The following DSE variants were observed in gnomAD, a reference collection of about 807,000 sequenced individuals.
DSE encodes the protein dermatan-sulfate epimerase.
A neutral mutation model predicts 84.4 loss-of-function variants in DSE; 36 were observed. The ratio of observed to expected loss-of-function variants is 0.43; its 90% CI spans 0.33 to 0.56. The LOEUF (loss-of-function observed/expected upper bound fraction) is 0.56, where lower values mean the gene tolerates loss of function less well. DSE is among the 20% of genes least tolerant of loss of function. The pLI is 0.06. For synonymous variants in DSE, 410 were observed against 430.1 expected (o/e 0.95, Z 0.58); for missense variants, 862 against 1,169.6 (o/e 0.74, Z 3.84).
chr6:116,398,589 A>G (rs1179076239), intron 1 of DSE, among the ~76,000 whole-genome samples: 2 of 152,208 alleles, frequency 1.3e-5, no homozygotes, highest in Non-Finnish European at 2.9e-5. Flanking sequence ...CAGGAAATAC[A>G]CGGGCTTGGC....
At chr6:116,274,578 C>T (rs1773032236) in intron 2 of DSE, among the ~76,000 whole-genome samples, 1 of 145,240 alleles carries the variant, frequency 6.9e-6, no homozygotes, top group Non-Finnish European at 1.5e-5. Context: ...AAAACTCTGT[C>T]TCAAAAAAAA....
At chr6:116,268,522 A>C (rs902763643) in intron 2 of DSE, among the ~76,000 whole-genome samples, 2 of 152,248 alleles carry the variant, frequency 1.3e-5, no homozygotes, top group Non-Finnish European at 2.9e-5. Flanking sequence ...TTTTTCATCT[A>C]CATGAATGTT....
At chr6:116,302,097 C>T (rs1189474645) in intron 2 of DSE, among the ~76,000 whole-genome samples, 3 of 152,098 alleles carry the variant, frequency 2.0e-5, no homozygotes, top group African/African-American at 7.2e-5. Context: ...AATAAACATA[C>T]GAGTCCATGT....
intron 3 of DSE, among the ~76,000 whole-genome samples, chr6:116,427,038 T>G (rs530130470): frequency 6.6e-6 from 1 of 152,240 alleles, no homozygotes; most frequent in African/African-American, 2.4e-5. Flanking sequence ...CGGCATGTTA[T>G]CTAATTATGG....
rs761300229 is a variant in DSE, at chr6:116,258,736, C to T, written c.-285C>T. On this transcript the variant is annotated 5_prime_UTR_variant, in exon 2 of 4. Transcript: ENST00000430252. Reference sequence around the variant, plus strand: ...TCTCACAGTCCCGGCGCACCCAATGCGTGTGGAGTCCTCCCGGGGACCACT... The same window carrying T: ...TCTCACAGTCCCGGCGCACCCAATGTGTGTGGAGTCCTCCCGGGGACCACT... 5.0e-6 allele frequency: 8 copies of T among 1,608,436 alleles called. No homozygotes were observed. In the Admixed American group the frequency reaches 6.7e-5, roughly 13 times the overall value.
chr6:116,334,232 A>G (rs1777112253), intron 2 of DSE, among the ~76,000 whole-genome samples: 1 of 152,214 alleles, frequency 6.6e-6, no homozygotes, highest in Non-Finnish European at 1.5e-5. Context: ...GCTTTGACTC[A>G]GAGTAGGCAA....
intron 2 of DSE, among the ~76,000 whole-genome samples, chr6:116,335,288 A>G (rs1777173462): frequency 6.6e-6 from 1 of 152,196 alleles, no homozygotes; most frequent in Admixed American, 6.5e-5. Flanking sequence ...AAAGCTAAAT[A>G]CCACATGTTC....
intron 2 of DSE, chr6:116,288,500 A>G (rs1774074387): frequency 6.6e-6 from 1 of 152,102 alleles, no homozygotes; most frequent in Non-Finnish European, 1.5e-5. Flanking sequence ...ATGGGTGAGC[A>G]TTGAATAGCT....
intron 2 of DSE, among the ~76,000 whole-genome samples, chr6:116,307,266 T>C (rs1428897424): frequency 6.6e-6 from 1 of 152,166 alleles, no homozygotes; most frequent in Non-Finnish European, 1.5e-5. Flanking sequence ...TTAACCTTAC[T>C]GTTTGGGTGT....
chr6:116,338,219 C>CTTTTTTTTTTTTTTTT (rs893312210), intron 2 of DSE, among the ~76,000 whole-genome samples: 47 of 91,174 alleles, frequency 5.2e-4, no homozygotes, highest in East Asian at 6.3e-4. Context: ...TTTCTTCTTT[C>CTTTTTTTTTTTTTTTT]TTTTTTTTTT....
At chr6:116,366,093 TACA>T (rs1389219149), upstream of DSE, 7 of 152,238 alleles carry the variant, frequency 4.6e-5, no homozygotes, top group Non-Finnish European at 7.3e-5. Context: ...GTATTTTATA[TACA>T]ACGTTTGGTT....
At chr6:116,382,419 G>A (rs1308596093) in intron 1 of DSE, among the ~76,000 whole-genome samples, 4 of 152,074 alleles carry the variant, frequency 2.6e-5, no homozygotes, top group East Asian at 1.9e-4. Flanking sequence ...ATTCCCCTAC[G>A]TAGCCACATT....
At chr6:116,279,018 G>A in intron 2 of DSE, 1 of 1,613,974 alleles carries the variant, frequency 6.2e-7, no homozygotes, top group Non-Finnish European at 8.5e-7. Flanking sequence ...TATTCTGAAT[G>A]ATGTAGTTCC....
chr6:116,444,217 A>T lies in DSE; in HGVS notation c.*6872A>T, dbSNP rs182081292. The T allele has an allele frequency of 1.5e-4, 23 of 152,352 alleles. No individual in the cohort carries two copies. In the East Asian group the frequency reaches 4.4e-3, roughly 29 times the overall value. 9.4% of individuals were successfully genotyped at this position (152,352 alleles called of 1,614,324 possible). Reference sequence around the variant, plus strand: ...ATTCTTTTGAAAGATTAATTCACAGAATTTTTTATCACAGTTGAAATATCA... The same window carrying T: ...ATTCTTTTGAAAGATTAATTCACAGTATTTTTTATCACAGTTGAAATATCA... On this transcript the variant is annotated 3_prime_UTR_variant, in exon 6 of 6. Coordinates refer to ENST00000644252, the MANE Select transcript of DSE (RefSeq NM_013352.4).
chr6:116,415,764 A>G (rs1177759927), intron 2 of DSE, among the ~76,000 whole-genome samples: 1 of 151,936 alleles, frequency 6.6e-6, no homozygotes, highest in Non-Finnish European at 1.5e-5. Context: ...TTCTGCCTGC[A>G]TGGTTTAATT....
intron 1 of DSE, among the ~76,000 whole-genome samples, chr6:116,396,646 A>T (rs1051839073): frequency 1.3e-5 from 2 of 152,184 alleles, no homozygotes; most frequent in Non-Finnish European, 2.9e-5. Context: ...CAACATCTTA[A>T]TGAGGTTCTA....
In DSE at chr6:116,305,987, A is replaced by T. The variant is rs562537791; in HGVS notation, c.-54+47020A>T. 4.6e-5 allele frequency among the ~76,000 whole-genome samples: 7 copies of T among 152,304 alleles called. No individual in the cohort carries two copies. In the South Asian group the frequency reaches 1.4e-3, roughly 32 times the overall value. On this transcript the variant is annotated intron_variant, in intron 2 of 3. Transcript: ENST00000430252. ...AACATATACACTGAATTATTAAGAG[A>T]TAAAGGGATTAATGTGTGAACCCAT...
intron 3 of DSE, among the ~76,000 whole-genome samples, chr6:116,428,050 G>A (rs1468153685): frequency 3.3e-5 from 5 of 152,158 alleles, no homozygotes; most frequent in African/African-American, 4.8e-5. Context: ...TTAGCTGGGC[G>A]TTGTGGCGTG....
rs183089781 is a variant in DSE at position 116,363,743 on chromosome 6, G to A, written c.-53-35455G>A. ...AGTAAAACAACACATTAAGCTTAAC[G>A]CTGCTAAATGAAAGGTGCCATCCCC... On this transcript the variant is annotated intron_variant, in intron 2 of 3. Coordinates refer to the DSE transcript ENST00000430252. Among the ~76,000 whole-genome samples the A allele has an allele frequency of 3.0e-4, 46 of 152,278 alleles. 1 individual carries two copies. The highest frequency in any genetic ancestry group is 1.4e-3 in the Admixed American group (22 of 15,294).
Sources: gnomAD v4.1 joint callset for allele counts (sites outside exome capture counted in the v4.1 genomes callset) on GRCh38, gnomAD v4.1.1 for gene constraint, MANE v1.5 for transcripts, NCBI Gene and HGNC (gene_info 2026-07-23, HGNC 2026-07-21) for gene names.